SOAT2: variants seen among roughly 807,000 people sequenced by gnomAD.
SOAT2 encodes sterol O-acyltransferase 2.
SOAT2 carries 87 observed loss-of-function variants against 76.0 expected under a neutral mutation model. The ratio of observed to expected loss-of-function variants is 1.14; its 90% CI spans 0.96 to 1.37. The LOEUF (loss-of-function observed/expected upper bound fraction) is 1.37. Among genes scored for constraint, SOAT2 ranks in the 40% most tolerant of loss-of-function variants. SOAT2 has a pLI of 0.00. For synonymous variants in SOAT2, 285 were observed against 275.4 expected (o/e 1.03, Z -0.34); for missense variants, 686 against 682.1 (o/e 1.01, Z -0.06).
intron 6 of SOAT2, 88 bp downstream of exon 6, chr12:53,115,742 G>C: frequency 7.1e-7 from 1 of 1,402,618 alleles, no homozygotes; most frequent in Non-Finnish European, 9.3e-7. Flanking sequence ...GAGGGGGCGG[G>C]GCCCACGAGA....
Position 53,115,539 on chromosome 12 carries a change from G to T in SOAT2, c.593G>T (p.Gly198Val). The T allele has an allele frequency of 6.2e-7, 1 of 1,600,382 alleles. No individual in the cohort carries two copies. The highest frequency in any genetic ancestry group is 1.1e-5 in the South Asian group (1 of 90,672). ...AGGGGCACCTGGACGCAGGCGACGG[G>T]CCTGGGCTGTGCGCTGCTAGCCGCC... is the stretch of plus-strand genomic sequence containing the variant. ...WARGTWTQATGLGCALLAAHA... is the reference protein window; with the variant it reads ...WARGTWTQATVLGCALLAAHA... Residue 198 changes from glycine (G) to valine (V), a missense_variant, in exon 6 of 15, where the codon GGC becomes GTC. Gly to Val is a moderately radical substitution (Grantham distance 109). Transcript: ENST00000301466.
chr12:53,104,001 T>C, intron 1 of SOAT2, 150 bp from the exon 2 acceptor site: 1 of 771,734 alleles, frequency 1.3e-6, no homozygotes, highest in Non-Finnish European at 2.3e-6. Flanking sequence ...AACTTCCCCT[T>C]CTAGTAGCCC....
intron 10 of SOAT2, among the ~76,000 whole-genome samples, 165 bp from the exon 11 acceptor site, chr12:53,120,618 CAAA>C (rs35658019): frequency 3.9e-4 from 34 of 86,732 alleles, no homozygotes; most frequent in South Asian, 2.3e-3. Flanking sequence ...CAGCCTGTCT[CAAA>C]AAAAAAAAAA....
intron 10 of SOAT2, among the ~76,000 whole-genome samples, chr12:53,120,358 A>G (rs1400795348): frequency 6.6e-6 from 1 of 152,034 alleles, no homozygotes; most frequent in Non-Finnish European, 1.5e-5. Flanking sequence ...AGTCCCAGCT[A>G]CTCGGGAGGC....
chr12:53,116,959 AT>A (rs71095980), intron 7 of SOAT2, among the ~76,000 whole-genome samples: 6,946 of 138,874 alleles, frequency 0.05, 318 homozygotes, highest in African/African-American at 0.13. Flanking sequence ...CCAATTTCAA[AT>A]TTTTTTTTTT....
At chr12:53,122,726 C>T (rs1938211194) in intron 12 of SOAT2, among the ~76,000 whole-genome samples, 1 of 152,182 alleles carries the variant, frequency 6.6e-6, no homozygotes, top group Admixed American at 6.5e-5. Context: ...TCTCCCATGT[C>T]TATTTCTTTC....
At position 53,107,622 on chromosome 12, in the gene SOAT2, C is replaced by CTTTTTTTTTTTT. The variant is rs1303838303; in HGVS notation, c.443+1615_443+1626dup. On this transcript the variant is annotated intron_variant, in intron 5 of 14. Transcript: ENST00000301466. The stretch of plus-strand genomic sequence containing the variant: ...AGACTAGAATTTAACAACAGATGTA[C>CTTTTTTTTTTTT]TTTTTTTTTTTTTTTTTTGAGACAG... 8.9e-4 allele frequency among the ~76,000 whole-genome samples: 104 copies of CTTTTTTTTTTTT among 117,020 alleles called. 11 individuals are homozygous for CTTTTTTTTTTTT. Among genetic ancestry groups the CTTTTTTTTTTTT allele is most frequent in the African/African-American group, 3.5e-3 (94 of 27,204 alleles). 76.8% of individuals were successfully genotyped at this position (117,020 alleles called of 152,430 possible). A position where few individuals can be genotyped will look rare whatever the true frequency, so the allele number is the denominator to read the frequency against.
chr12:53,122,274 A>G (rs1592280359), intron 12 of SOAT2, among the ~76,000 whole-genome samples: 1 of 144,864 alleles, frequency 6.9e-6, no homozygotes, highest in African/African-American at 2.6e-5. Context: ...TTCTGGTTAC[A>G]TTCATTAGCA....
intron 5 of SOAT2, among the ~76,000 whole-genome samples, chr12:53,112,312 T>C (rs28883710): frequency 0.28 from 43,046 of 151,878 alleles, 7,521 homozygotes; most frequent in African/African-American, 0.5. Context: ...TTTAGGAGGC[T>C]GAGGCGGGCA....
At chr12:53,122,911 G>C (rs562477450) in intron 12 of SOAT2, among the ~76,000 whole-genome samples, 170 bp from the exon 13 acceptor site, 2 of 152,112 alleles carry the variant, frequency 1.3e-5, no homozygotes, top group South Asian at 4.2e-4. Flanking sequence ...AGGGGCGGCC[G>C]GGCAGAGGCG....
At chr12:53,115,887 A>G (rs1938100133) in intron 6 of SOAT2, among the ~76,000 whole-genome samples, 1 of 151,998 alleles carries the variant, frequency 6.6e-6, no homozygotes, top group Non-Finnish European at 1.5e-5. Context: ...TGACCGGAAG[A>G]CTCCGCTCTG....
intron 5 of SOAT2, among the ~76,000 whole-genome samples, chr12:53,109,662 A>T (rs1937984726): frequency 6.6e-6 from 1 of 152,022 alleles, no homozygotes; most frequent in Non-Finnish European, 1.5e-5. Context: ...TTTTGTGTGT[A>T]TTCTTAGTAG....
intron 7 of SOAT2, among the ~76,000 whole-genome samples, chr12:53,117,199 G>A (rs2121293152): frequency 6.6e-6 from 1 of 150,662 alleles, no homozygotes; most frequent in South Asian, 2.1e-4. Context: ...GACCTCCAGT[G>A]ATCCACCCAC....
intron 5 of SOAT2, 104 bp downstream of exon 5, chr12:53,106,118 T>G: frequency 1.4e-6 from 1 of 719,684 alleles, no homozygotes. Context: ...GGTTCCCCCT[T>G]TGGTTATTGG....
At chr12:53,124,050 C>T (rs1465196233) in intron 14 of SOAT2, 23 bp from the exon 15 acceptor site, 9 of 1,613,832 alleles carry the variant, frequency 5.6e-6, no homozygotes, top group South Asian at 1.1e-5. Context: ...ATCTCATTCA[C>T]GACTTATTCT....
At chr12:53,120,266 AAGACCAT>A (rs1565628923) in intron 10 of SOAT2, among the ~76,000 whole-genome samples, 5 of 152,120 alleles carry the variant, frequency 3.3e-5, no homozygotes, top group African/African-American at 1.2e-4. Context: ...TCAGGAGATC[AAGACCAT>A]CCTGGCTAAC....
chr12:53,124,253 C>T lies in SOAT2; in HGVS notation c.*130C>T. On this transcript the variant is annotated 3_prime_UTR_variant, in exon 15 of 15. Transcript: ENST00000301466. Reference sequence around the variant, plus strand: ...GAGGCAACCTGCACACAAGACCCCACCAAGGAATGTGCAAGGACTGAGATC... The same window carrying T: ...GAGGCAACCTGCACACAAGACCCCATCAAGGAATGTGCAAGGACTGAGATC... The T allele has an allele frequency of 3.6e-6, 3 of 843,982 alleles. No individual in the cohort carries two copies. Among genetic ancestry groups the T allele is most frequent in the Non-Finnish European group, 6.0e-6 (3 of 503,662 alleles). The allele number at this position is 843,982 out of a possible 1,614,324, so 52.3% of individuals were successfully genotyped here. A position where few individuals can be genotyped will look rare whatever the true frequency, so the allele number is the denominator to read the frequency against.
rs1348343811 is a variant in SOAT2 at position 53,104,223 on chromosome 12, G to A, written c.138+17G>A. 6.2e-7 allele frequency: 1 copy of A among 1,605,420 alleles called. No individual in the cohort carries two copies. Among genetic ancestry groups the A allele is most frequent in the East Asian group, 2.2e-5 (1 of 44,712 alleles). On this transcript the variant is annotated intron_variant, in intron 2 of 14. Coordinates refer to ENST00000301466, the MANE Select transcript of SOAT2 (RefSeq NM_003578.4). ...CACATGGAGGTGAGGGATGTCAGAG[G>A]TCAGAGGTCAAGTGGACAGATCCTT...
rs759415096 is a variant in SOAT2, at chr12:53,123,100, G to A, written c.1256G>A (p.Arg419Gln). 26 of 1,613,234 alleles carry A rather than the reference G, an allele frequency of 1.6e-5. No individual in the cohort carries two copies. Among genetic ancestry groups the A allele is most frequent in the South Asian group, 4.4e-5 (4 of 90,944 alleles). Residue 419 changes from arginine to glutamine, a missense_variant, in exon 13 of 15, where the codon CGA (arginine) becomes CAA (glutamine). Transcript: ENST00000301466. ...DGLRLLGARA[R>Q]GVAMLGVFLV... is the part of the protein sequence containing the mutation. ...TGCCAGCTCCTTGGTGCCCGGGCCC[G>A]AGGGGTAGCCATGCTGGGTGTGTTC...
Sources: gnomAD v4.1 joint callset for allele counts (sites outside exome capture counted in the v4.1 genomes callset) on GRCh38, gnomAD v4.1.1 for gene constraint, MANE v1.5 for transcripts, NCBI Gene and HGNC (gene_info 2026-07-23, HGNC 2026-07-21) for gene names.